Variants in SMYD3 observed in about 807,000 individuals in gnomAD.
SMYD3 encodes the protein histone-lysine N-methyltransferase SMYD3.
A neutral mutation model predicts 57.7 loss-of-function variants in SMYD3; 36 were observed. The ratio of observed to expected loss-of-function variants is 0.62; its 90% CI spans 0.48 to 0.82. SMYD3 has a LOEUF of 0.82. SMYD3 is among the 40% of genes least tolerant of loss of function. The pLI is 0.00. For missense variants in SMYD3, 515 were observed against 538.8 expected (o/e 0.96, Z 0.44); for synonymous variants, 211 against 195.0 (o/e 1.08, Z -0.68).
At chr1:246,411,193 A>G (rs1019965373) in intron 1 of SMYD3, among the ~76,000 whole-genome samples, 2 of 152,192 alleles carry the variant, frequency 1.3e-5, no homozygotes, top group Non-Finnish European at 2.9e-5. Context: ...TCAAAAGAAG[A>G]CATTTATGCA....
chr1:245,799,078 C>T (rs2047728143), intron 10 of SMYD3, among the ~76,000 whole-genome samples: 2 of 152,212 alleles, frequency 1.3e-5, no homozygotes, highest in African/African-American at 4.8e-5. Context: ...AGAGAACCTG[C>T]CTACTCCTCT....
At chr1:246,030,006 C>CTT (rs58066934) in intron 5 of SMYD3, among the ~76,000 whole-genome samples, 12 of 135,128 alleles carry the variant, frequency 8.9e-5, no homozygotes, top group South Asian at 2.4e-4. Flanking sequence ...TTCTTTCTTT[C>CTT]TTTTTTTTTT....
At chr1:246,494,031 C>T (rs1034906988) in intron 1 of SMYD3, among the ~76,000 whole-genome samples, 4 of 152,132 alleles carry the variant, frequency 2.6e-5, no homozygotes, top group Admixed American at 6.5e-5. Flanking sequence ...AACTGGAATC[C>T]TCATCTCCAG....
intron 5 of SMYD3, among the ~76,000 whole-genome samples, chr1:246,006,248 C>G (rs916411743): frequency 6.6e-6 from 1 of 151,796 alleles, no homozygotes; most frequent in Non-Finnish European, 1.5e-5. Context: ...GAAGAGCCCG[C>G]CTTGCTATTC....
At chr1:245,779,383 A>G (rs1213871828) in intron 10 of SMYD3, among the ~76,000 whole-genome samples, 3 of 152,212 alleles carry the variant, frequency 2.0e-5, no homozygotes, top group African/African-American at 7.2e-5. Flanking sequence ...TGTACAGGAA[A>G]AAATGATCAA....
chr1:246,140,884 C>T (rs1277058071), intron 5 of SMYD3, among the ~76,000 whole-genome samples: 2 of 152,178 alleles, frequency 1.3e-5, no homozygotes, highest in African/African-American at 2.4e-5. Context: ...ACTGAGCCAC[C>T]AAGCCCAGCT....
At chr1:246,130,920 C>T (rs1361107330) in intron 5 of SMYD3, among the ~76,000 whole-genome samples, 1 of 152,132 alleles carries the variant, frequency 6.6e-6, no homozygotes, top group Admixed American at 6.5e-5. Flanking sequence ...AAACTTCATA[C>T]TAGAGCACTG....
intron 5 of SMYD3, among the ~76,000 whole-genome samples, chr1:246,042,946 G>A (rs922300978): frequency 1.3e-5 from 2 of 152,062 alleles, no homozygotes; most frequent in East Asian, 1.9e-4. Context: ...TAATAAATAC[G>A]TAAATATACT....
At chr1:245,971,633 C>T (rs1228664754) in intron 5 of SMYD3, among the ~76,000 whole-genome samples, 1 of 152,176 alleles carries the variant, frequency 6.6e-6, no homozygotes, top group Non-Finnish European at 1.5e-5. Context: ...ACGGGGATGT[C>T]CCTTGAAGGC....
At chr1:246,300,359 A>C (rs933715597) in intron 5 of SMYD3, among the ~76,000 whole-genome samples, 1 of 152,196 alleles carries the variant, frequency 6.6e-6, no homozygotes, top group Admixed American at 6.5e-5. Context: ...TGAAGGATCA[A>C]GGGGACTTAG....
chr1:246,069,184 T>C (rs1157379855), intron 5 of SMYD3, among the ~76,000 whole-genome samples: 3 of 152,208 alleles, frequency 2.0e-5, no homozygotes, highest in Non-Finnish European at 4.4e-5. Flanking sequence ...AGTCATGACC[T>C]TGTAGCTGCC....
intron 5 of SMYD3, among the ~76,000 whole-genome samples, chr1:246,165,037 G>T (rs1399020668): frequency 2.0e-5 from 3 of 152,204 alleles, no homozygotes; most frequent in African/African-American, 7.2e-5. Context: ...TGGGAAGACA[G>T]TAGTGCAGGA....
In SMYD3 at chr1:246,368,881, C is replaced by T. The variant is rs114890148; in HGVS notation, c.165-13787G>A. 5.8e-3 allele frequency among the ~76,000 whole-genome samples: 879 copies of T among 152,292 alleles called. 12 individuals are homozygous for T. The highest frequency in any genetic ancestry group is 0.02 in the African/African-American group (816 of 41,562). On this transcript the variant is annotated intron_variant, in intron 1 of 11. Transcript: ENST00000490107. ...CAGTTTTGGGACTCAGACTGGCTTC[C>T]TTGCTCCTCCGCCTGCAGATGACCT...
At chr1:246,352,239 AC>A (rs1474243407) in intron 2 of SMYD3, among the ~76,000 whole-genome samples, 2 of 151,454 alleles carry the variant, frequency 1.3e-5, no homozygotes, top group Non-Finnish European at 2.9e-5. Flanking sequence ...CACCTGCAAT[AC>A]CCCAATAGCC....
intron 5 of SMYD3, among the ~76,000 whole-genome samples, chr1:246,182,241 T>C (rs976826689): frequency 6.6e-6 from 1 of 152,060 alleles, no homozygotes; most frequent in African/African-American, 2.4e-5. Context: ...CTCTTATCAG[T>C]TCCCCACTGA....
chr1:246,171,246 G>T (rs559486290), intron 5 of SMYD3, among the ~76,000 whole-genome samples: 44 of 152,200 alleles, frequency 2.9e-4, no homozygotes, highest in African/African-American at 8.9e-4. Flanking sequence ...TTTTATAAAA[G>T]ATATCAAGTT....
intron 8 of SMYD3, among the ~76,000 whole-genome samples, chr1:245,892,364 A>C (rs928297424): frequency 6.6e-6 from 1 of 152,354 alleles, no homozygotes; most frequent in East Asian, 1.9e-4. Flanking sequence ...TATCTAATTG[A>C]ACCCTTAAAG....
At chr1:246,391,335 C>T (rs1329545836) in intron 1 of SMYD3, among the ~76,000 whole-genome samples, 1 of 150,340 alleles carries the variant, frequency 6.7e-6, no homozygotes, top group East Asian at 2.0e-4. Flanking sequence ...AGCTTTGATT[C>T]CACCACTGCA....
chr1:245,810,425 C>T (rs2048397890), intron 10 of SMYD3, among the ~76,000 whole-genome samples: 1 of 152,192 alleles, frequency 6.6e-6, no homozygotes, highest in African/African-American at 2.4e-5. Flanking sequence ...ACTCCCTTCC[C>T]AGAACTCTAA....
Sources: gnomAD v4.1 joint callset for allele counts (sites outside exome capture counted in the v4.1 genomes callset) on GRCh38, gnomAD v4.1.1 for gene constraint, MANE v1.5 for transcripts, NCBI Gene and HGNC (gene_info 2026-07-23, HGNC 2026-07-21) for gene names.